EIF2A: variants seen among roughly 807,000 people sequenced by gnomAD.
EIF2A encodes the protein 65 kDa eukaryotic translation initiation factor 2A.
EIF2A carries 62 observed loss-of-function variants against 75.2 expected under a neutral mutation model. That is an observed-to-expected ratio of 0.82 (90% CI 0.67 to 1.02). The LOEUF is 1.02. Ranked by LOEUF, EIF2A falls within the 50% of genes least tolerant of loss-of-function variation. The pLI is 0.00. For missense variants in EIF2A, 611 were observed against 677.7 expected, an observed-to-expected ratio of 0.90 and a Z score of 1.09; for synonymous variants, 207 against 239.0, an observed-to-expected ratio of 0.87 and a Z score of 1.23.
intron 2 of EIF2A, chr3:150,557,804 A>T (rs772721270): frequency 3.7e-6 from 1 of 268,470 alleles, no homozygotes; most frequent in Non-Finnish European, 7.5e-6. Flanking sequence ...AGATGAATTA[A>T]TGCAAAGATA....
In EIF2A at chr3:150,568,085, G is replaced by T. The variant is rs79689768; in HGVS notation, c.694+39G>T. The stretch of plus-strand genomic sequence containing the variant: ...ATTTTATCCCTCCCTTTGTTTATCA[G>T]TTGTTAATTTAGGCTATATTCCTAT... On this transcript the variant is annotated intron_variant, in intron 8 of 13. Transcript: ENST00000460851. 458 of 1,600,080 alleles carry T rather than the reference G, an allele frequency of 2.9e-4. 6 individuals are homozygous for T. The East Asian group carries it at 0.01, about 35-fold the overall frequency.
At chr3:150,555,904 G>A (rs1309806810) in intron 2 of EIF2A, among the ~76,000 whole-genome samples, 1 of 152,110 alleles carries the variant, frequency 6.6e-6, no homozygotes, top group East Asian at 1.9e-4. Context: ...TAGCCAACTT[G>A]CTTGGTCATG....
chr3:150,552,515 A>G (rs1723366756), intron 2 of EIF2A, 90 bp downstream of exon 2: 1 of 1,044,452 alleles, frequency 9.6e-7, no homozygotes, highest in Non-Finnish European at 1.4e-6. Context: ...ACAAGAAAGG[A>G]AAAGAACAGA....
At chr3:150,576,579 C>T (rs1559885207) in intron 11 of EIF2A, among the ~76,000 whole-genome samples, 1 of 152,150 alleles carries the variant, frequency 6.6e-6, no homozygotes, top group Admixed American at 6.5e-5. Context: ...ACAAAAGAAA[C>T]TGGACTTGAC....
intron 9 of EIF2A, among the ~76,000 whole-genome samples, chr3:150,571,415 C>T (rs1325803861): frequency 2.6e-5 from 4 of 152,172 alleles, no homozygotes; most frequent in African/African-American, 9.7e-5. Context: ...CCTGGGATTA[C>T]AGGCGTGAGC....
chr3:150,579,731 T>G (rs889166820), intron 11 of EIF2A, among the ~76,000 whole-genome samples: 1 of 151,804 alleles, frequency 6.6e-6, no homozygotes, highest in African/African-American at 2.4e-5. Context: ...AAAAATTGAC[T>G]TCAATTCTGT....
At chr3:150,565,033 G>A in intron 6 of EIF2A, 1 of 337,084 alleles carries the variant, frequency 3.0e-6, no homozygotes, top group Non-Finnish European at 5.8e-6. Context: ...GTTTCTTTTG[G>A]TCCTATAAGT....
chr3:150,565,380 C>A (rs1404708500), intron 6 of EIF2A, among the ~76,000 whole-genome samples: 1 of 152,108 alleles, frequency 6.6e-6, no homozygotes, highest in South Asian at 2.1e-4. Flanking sequence ...ATTGTTGATA[C>A]TCTGGTTTTT....
chr3:150,561,850 G>T (rs1325569603), intron 3 of EIF2A, among the ~76,000 whole-genome samples: 1 of 150,910 alleles, frequency 6.6e-6, no homozygotes, highest in Non-Finnish European at 1.5e-5. Context: ...GAGTGCAGTG[G>T]CACGATCTCA....
intron 11 of EIF2A, among the ~76,000 whole-genome samples, chr3:150,580,242 C>G (rs910541338): frequency 3.3e-5 from 5 of 152,070 alleles, no homozygotes; most frequent in Non-Finnish European, 7.3e-5. Flanking sequence ...GGAAGGTGTT[C>G]TAGGCACAAG....
intron 6 of EIF2A, 21 bp downstream of exon 6, chr3:150,564,402 T>C (rs1305013809): frequency 6.5e-7 from 1 of 1,549,622 alleles, no homozygotes; most frequent in Admixed American, 2.0e-5. Flanking sequence ...ATTTATGACA[T>C]AATTTTATTA....
At chr3:150,561,007 T>C (rs1723824670) in intron 3 of EIF2A, among the ~76,000 whole-genome samples, 1 of 152,186 alleles carries the variant, frequency 6.6e-6, no homozygotes, top group African/African-American at 2.4e-5. Flanking sequence ...ATTGTCATTT[T>C]TGTCATTGTA....
Position 150,572,054 on chromosome 3 carries a change from A to C in EIF2A, c.908A>C (p.Asn303Thr). 1 of 1,613,978 alleles carries C rather than the reference A, an allele frequency of 6.2e-7. No individual in the cohort carries two copies. The highest frequency in any genetic ancestry group is 1.1e-5 in the South Asian group (1 of 91,080). Residue 303 changes from asparagine (N) to threonine (T), a missense_variant, in exon 10 of 14, where the codon AAC becomes ACC. Asn to Thr is a moderately conservative substitution (Grantham distance 65, BLOSUM62 0). Transcript: ENST00000460851. ...ATGCCTGCCAAAGCGACAATTTTCA[A>C]CTTGAAATGTGATCCTGTATTTGAC... ...GFMPAKATIF[N>T]LKCDPVFDFG...
intron 6 of EIF2A, chr3:150,566,873 A>G (rs1724211193): frequency 6.6e-6 from 1 of 152,256 alleles, no homozygotes; most frequent in African/African-American, 2.4e-5. Flanking sequence ...TAGTTAGAAT[A>G]GGAATTGGTA....
intron 2 of EIF2A, among the ~76,000 whole-genome samples, chr3:150,556,561 A>G (rs1723580736): frequency 6.6e-6 from 1 of 152,338 alleles, no homozygotes; most frequent in Admixed American, 6.5e-5. Context: ...GCAATATGAT[A>G]ATGACATCTA....
intron 6 of EIF2A, chr3:150,567,364 G>A (rs1297606370): frequency 2.6e-5 from 5 of 193,868 alleles, no homozygotes; most frequent in Non-Finnish European, 4.2e-5. Context: ...TTATTTCAGC[G>A]ATTGAAGAGA....
chr3:150,564,408 T>C, intron 6 of EIF2A, 27 bp downstream of exon 6: 1 of 1,536,110 alleles, frequency 6.5e-7, no homozygotes, highest in Admixed American at 2.1e-5. Context: ...GACATAATTT[T>C]ATTACTTACT....
Position 150,562,671 on chromosome 3 carries a change from T to G in EIF2A, c.292+11T>G. The G allele has an allele frequency of 6.3e-7, 1 of 1,598,194 alleles. No individual in the cohort carries two copies. The highest frequency in any genetic ancestry group is 8.6e-7 in the Non-Finnish European group (1 of 1,168,106). On this transcript the variant is annotated intron_variant, in intron 4 of 13. Coordinates refer to ENST00000460851, the MANE Select transcript of EIF2A (RefSeq NM_032025.5). ...GGCAGCCTTACACTAGTAAGTATTT[T>G]CTCAGTGTAAAAATACTCTGACACG...
chr3:150,574,573 C>T (rs868800254), intron 10 of EIF2A, among the ~76,000 whole-genome samples: 9 of 152,226 alleles, frequency 5.9e-5, no homozygotes, highest in Non-Finnish European at 1.2e-4. Context: ...GAGCCTTGCA[C>T]TCCAAATTTG....
Sources: gnomAD v4.1 joint callset for allele counts (sites outside exome capture counted in the v4.1 genomes callset) on GRCh38, gnomAD v4.1.1 for gene constraint, MANE v1.5 for transcripts, NCBI Gene and HGNC (gene_info 2026-07-23, HGNC 2026-07-21) for gene names.